ONECUT2: variants seen among roughly 807,000 people sequenced by gnomAD.
ONECUT2 encodes the protein one cut domain family member 2.
In ONECUT2, 10 loss-of-function variants were observed where a neutral mutation model predicts 27.9. That is an observed-to-expected ratio of 0.36 (90% CI 0.22 to 0.61). The LOEUF is 0.61. Ranked by LOEUF, ONECUT2 falls within the 20% of genes least tolerant of loss-of-function variation. The probability of loss-of-function intolerance (pLI) is 0.73; values close to 1 mark genes in which losing one functional copy is unlikely to be tolerated. For missense variants in ONECUT2, 686 were observed against 721.0 expected (o/e 0.95, Z 0.56); for synonymous variants, 334 against 315.1 (o/e 1.06, Z -0.64).
At chr18:57,444,544 G>A in intron 1 of ONECUT2, 1 of 420,514 alleles carries the variant, frequency 2.4e-6, no homozygotes, top group South Asian at 1.7e-5. Flanking sequence ...CCTGGAGCAA[G>A]CTTGGAGTCC....
At chr18:57,437,057 C>G in intron 1 of ONECUT2, 113 bp downstream of exon 1, 1 of 1,442,522 alleles carries the variant, frequency 6.9e-7, no homozygotes, top group Non-Finnish European at 9.1e-7. Flanking sequence ...CCTTCTCTTT[C>G]CTATACACGT....
chr18:57,462,676 G>C (rs1016989554), intron 1 of ONECUT2, among the ~76,000 whole-genome samples: 1 of 147,242 alleles, frequency 6.8e-6, no homozygotes, highest in Non-Finnish European at 1.5e-5. Context: ...TGAGTACTAA[G>C]AAATCTTTCC....
At chr18:57,459,745 G>A (rs1480619285) in intron 1 of ONECUT2, among the ~76,000 whole-genome samples, 1 of 152,088 alleles carries the variant, frequency 6.6e-6, no homozygotes, top group East Asian at 1.9e-4. Context: ...TTTTAGTAGA[G>A]ATGGAGTTTC....
At position 57,461,936 on chromosome 18, in the gene ONECUT2, G is replaced by A. The variant is rs574152522; in HGVS notation, c.1229-14501G>A. Among the ~76,000 whole-genome samples, 309 of 152,350 alleles carry A rather than the reference G, an allele frequency of 2.0e-3. 1 individual carries two copies. The highest frequency in any genetic ancestry group is 3.9e-3 in the South Asian group (19 of 4,830). The stretch of plus-strand genomic sequence containing the variant: ...ACATGACAGAGTCTGCTACAAGAGA[G>A]TCTTTCCATGAGCAGAATTTCTGGG... On this transcript the variant is annotated intron_variant, in intron 1 of 1. Transcript: ENST00000491143.
In ONECUT2 at chr18:57,484,211, A is replaced by G. The variant is rs2050428738; in HGVS notation, c.*7488A>G. ...AAAAAACAAAAAGCAGAAAAAAGAA[A>G]AAAAAAATGAAAAACTTTCTATTTC... On this transcript the variant is annotated 3_prime_UTR_variant, in exon 2 of 2. Transcript: ENST00000491143. 1 of 152,644 alleles carries G rather than the reference A, an allele frequency of 6.6e-6. No individual in the cohort carries two copies. The highest frequency in any genetic ancestry group is 2.1e-4 in the South Asian group (1 of 4,832). The allele number at this position is 152,644 out of a possible 1,614,324, so 9.5% of individuals were successfully genotyped here.
rs2050137349 is a variant in ONECUT2, at chr18:57,435,943, G to T, written c.227G>T (p.Gly76Val). ...CACCACGCGGGCCGCGGCGCCGCTG[G>T]CTCGCTGCGGGGCCCTCCGCCGCCT... Reference protein sequence around the residue: ...SPHHAGRGAAGSLRGPPPPPT... With the variant: ...SPHHAGRGAAVSLRGPPPPPT... Residue 76 changes from glycine (G) to valine (V), a missense_variant, in exon 1 of 2, where the codon GGC becomes GTC. Physicochemically the swap from Gly to Val is moderately radical, Grantham distance 109. Coordinates refer to ENST00000491143, the MANE Select transcript of ONECUT2 (RefSeq NM_004852.3). 7.4e-6 allele frequency: 9 copies of T among 1,222,804 alleles called. No homozygotes were observed. The highest frequency in any genetic ancestry group is 7.1e-6 in the Non-Finnish European group (7 of 984,622). 75.7% of individuals were successfully genotyped at this position (1,222,804 alleles called of 1,614,324 possible).
At position 57,480,391 on chromosome 18, in the gene ONECUT2, A is replaced by G. The variant is rs1568126506; in HGVS notation, c.*3668A>G. The G allele has an allele frequency of 6.6e-6, 1 of 152,200 alleles. No individual in the cohort carries two copies. Among genetic ancestry groups the G allele is most frequent in the South Asian group, 2.1e-4 (1 of 4,826 alleles). 9.4% of individuals were successfully genotyped at this position (152,200 alleles called of 1,614,324 possible). On this transcript the variant is annotated 3_prime_UTR_variant, in exon 2 of 2. Transcript: ENST00000491143. ...CCAGTGGAAATGGTTGCTCTTTTCC[A>G]GACTGGATTGAGGAATGGAGCCTGT...
At position 57,436,018 on chromosome 18, in the gene ONECUT2, C is replaced by T. The variant is rs775258316; in HGVS notation, c.302C>T (p.Ala101Val). ...ACGGCGGCAGCGGCGGCAGCGGCGGCGTCGCGCTCGGCCATGGTCACCAGC... is the reference window on the plus strand; with the variant it reads ...ACGGCGGCAGCGGCGGCAGCGGCGGTGTCGCGCTCGGCCATGGTCACCAGC... Reference protein sequence around the residue: ...LGTAAAAAAAASRSAMVTSMA... With the variant: ...LGTAAAAAAAVSRSAMVTSMA... The change falls in exon 1 of 2, where the codon GCG (alanine) becomes GTG (valine). Residue 101 changes from alanine to valine, a missense_variant. Transcript: ENST00000491143. The surrounding 1 kb of genome is among the most constrained non-coding windows in gnomAD (Gnocchi z 5.9). 3 of 1,531,338 alleles carry T rather than the reference C, an allele frequency of 2.0e-6. No homozygotes were observed. The highest frequency in any genetic ancestry group is 2.7e-5 in the African/African-American group (2 of 72,856). 94.9% of individuals were successfully genotyped at this position (1,531,338 alleles called of 1,614,324 possible). A position where few individuals can be genotyped will look rare whatever the true frequency, so the allele number is the denominator to read the frequency against.
intron 1 of ONECUT2, among the ~76,000 whole-genome samples, chr18:57,475,856 C>T (rs1227291210): frequency 6.6e-6 from 1 of 152,038 alleles, no homozygotes; most frequent in Non-Finnish European, 1.5e-5. Flanking sequence ...TTGTTTTGTT[C>T]TAATTTTTCA....
intron 1 of ONECUT2, among the ~76,000 whole-genome samples, chr18:57,451,709 A>G (rs1332120514): frequency 6.6e-6 from 1 of 152,170 alleles, no homozygotes; most frequent in African/African-American, 2.4e-5. Flanking sequence ...AGGTGATTGG[A>G]TTGGAGGGTA....
chr18:57,465,517 T>G (rs1297606020), intron 1 of ONECUT2, among the ~76,000 whole-genome samples: 1 of 152,236 alleles, frequency 6.6e-6, no homozygotes, highest in African/African-American at 2.4e-5. Flanking sequence ...AAATTGCTAT[T>G]TTCTTCTTAA....
rs2050139765 is a variant in ONECUT2, at chr18:57,436,181, G to A, written c.465G>A (p.Gln155=). 1.2e-6 allele frequency: 2 copies of A among 1,607,694 alleles called. No homozygotes were observed. The highest frequency in any genetic ancestry group is 1.7e-6 in the Non-Finnish European group (2 of 1,179,600). The change falls in exon 1 of 2, where the codon CAG becomes CAA. Residue 155 remains glutamine, a synonymous_variant. Transcript: ENST00000491143. This position sits in a 1 kb window ranked among gnomAD's most constrained non-coding sequence, Gnocchi z 5.9. ...CCTACACCACGCTGACACCGCTCCA[G>A]CCGCTGCCACCCATCTCCACCGTGT... The part of the protein sequence containing the change: ...SNTYTTLTPL[Q]PLPPISTVSD...
chr18:57,442,243 GGTTT>G (rs2050179391), intron 1 of ONECUT2, among the ~76,000 whole-genome samples: 3 of 127,506 alleles, frequency 2.4e-5, no homozygotes, highest in Non-Finnish European at 3.2e-5. Context: ...AATTCTTCTG[GGTTT>G]TTTTTTTTTT....
Position 57,489,173 on chromosome 18 carries a change from C to T in ONECUT2, c.*12450C>T, listed in dbSNP as rs1412307116. ...CAGGTCCCCTCCATCCAGTGGGGCTCTTCCACATCAGAAGTCCCCCTCCCA... is the reference window on the plus strand; with the variant it reads ...CAGGTCCCCTCCATCCAGTGGGGCTTTTCCACATCAGAAGTCCCCCTCCCA... On this transcript the variant is annotated 3_prime_UTR_variant, in exon 2 of 2. Coordinates refer to ENST00000491143, the MANE Select transcript of ONECUT2 (RefSeq NM_004852.3). 6.6e-6 allele frequency: 1 copy of T among 152,300 alleles called. No individual in the cohort carries two copies. Among genetic ancestry groups the T allele is most frequent in the Non-Finnish European group, 1.5e-5 (1 of 68,118 alleles). The allele number at this position is 152,300 out of a possible 1,614,324, so 9.4% of individuals were successfully genotyped here.
chr18:57,442,544 T>C lies in ONECUT2; in HGVS notation c.1228+5600T>C, dbSNP rs141151323. Among the ~76,000 whole-genome samples the C allele has an allele frequency of 2.7e-3, 416 of 152,222 alleles. 5 individuals are homozygous for C. Among genetic ancestry groups the C allele is most frequent in the African/African-American group, 9.3e-3 (385 of 41,552 alleles). ...CAGAAAGTGCCCTACCGGACCCTTT[T>C]AAACTACAATGAGATAGCTGGGTAA... On this transcript the variant is annotated intron_variant, in intron 1 of 1. Coordinates refer to ENST00000491143, the MANE Select transcript of ONECUT2 (RefSeq NM_004852.3).
At chr18:57,440,032 TGAAAG>T (rs767101013) in intron 1 of ONECUT2, among the ~76,000 whole-genome samples, 4 of 152,104 alleles carry the variant, frequency 2.6e-5, no homozygotes, top group African/African-American at 7.2e-5. Flanking sequence ...GGGTGGCACT[TGAAAG>T]GAAAAGGGAG....
intron 1 of ONECUT2, among the ~76,000 whole-genome samples, chr18:57,453,151 T>C (rs959822984): frequency 6.6e-6 from 1 of 152,210 alleles, no homozygotes; most frequent in African/African-American, 2.4e-5. Context: ...GCATCCTCCT[T>C]CTTCCCTGCC....
intron 1 of ONECUT2, among the ~76,000 whole-genome samples, chr18:57,466,292 C>G (rs2050321006): frequency 1.3e-5 from 2 of 152,160 alleles, no homozygotes; most frequent in African/African-American, 2.4e-5. Context: ...CCATTTCAAC[C>G]CAGTTCCATT....
intron 1 of ONECUT2, among the ~76,000 whole-genome samples, chr18:57,439,738 C>A (rs1218579547): frequency 6.6e-6 from 1 of 152,174 alleles, no homozygotes; most frequent in Non-Finnish European, 1.5e-5. Flanking sequence ...CCAGCCGCTC[C>A]GCAGGCGGCT....
Sources: gnomAD v4.1 joint callset for allele counts (sites outside exome capture counted in the v4.1 genomes callset) on GRCh38, gnomAD v4.1.1 for gene constraint, Gnocchi (gnomAD v3.1) non-coding constraint, MANE v1.5 for transcripts, NCBI Gene and HGNC (gene_info 2026-07-23, HGNC 2026-07-21) for gene names.